Variants in SENP7 observed in about 807,000 individuals in gnomAD.
SENP7 encodes sentrin-specific protease 7.
A neutral mutation model predicts 141.2 loss-of-function variants in SENP7; 64 were observed. That is an observed-to-expected ratio of 0.45 (90% CI 0.37 to 0.56). The LOEUF (loss-of-function observed/expected upper bound fraction) is 0.56, where lower values mean the gene tolerates loss of function less well. Ranked by LOEUF, SENP7 falls within the 20% of genes least tolerant of loss-of-function variation. The pLI is 0.00. For missense variants in SENP7, 1,025 were observed against 1,212.2 expected (o/e 0.85, Z 2.29); for synonymous variants, 382 against 426.4 (o/e 0.90, Z 1.28).
intron 3 of SENP7, among the ~76,000 whole-genome samples, chr3:101,486,057 A>G (rs1373785568): frequency 6.6e-6 from 1 of 152,200 alleles, no homozygotes; most frequent in Non-Finnish European, 1.5e-5. Flanking sequence ...ACCCAATCCA[A>G]CAAAGACAAA....
chr3:101,352,322 C>T (rs912280971), intron 11 of SENP7, among the ~76,000 whole-genome samples: 2 of 152,018 alleles, frequency 1.3e-5, no homozygotes, highest in Non-Finnish European at 2.9e-5. Flanking sequence ...AGTGATGCAC[C>T]TGTCAAAATG....
intron 11 of SENP7, among the ~76,000 whole-genome samples, chr3:101,359,823 G>A (rs758649027): frequency 6.6e-6 from 1 of 152,036 alleles, no homozygotes; most frequent in South Asian, 2.1e-4. Context: ...ATATGTGTTT[G>A]TAATATTGTT....
rs1267990546 is a variant in SENP7, at chr3:101,324,388, GAT to G, written c.*1553_*1554del. 6.6e-6 allele frequency: 1 copy of G among 152,010 alleles called. No homozygotes were observed. Among genetic ancestry groups the G allele is most frequent in the Non-Finnish European group, 1.5e-5 (1 of 67,960 alleles). The allele number at this position is 152,010 out of a possible 1,614,324, so 9.4% of individuals were successfully genotyped here. A position where few individuals can be genotyped will look rare whatever the true frequency, so the allele number is the denominator to read the frequency against. ...TCTTCAAAACATGATAAAGGACAGT[GAT>G]ATCTTTGAAAAACATACAAACAAAA... On this transcript the variant is annotated 3_prime_UTR_variant, in exon 24 of 24. Transcript: ENST00000394095.
In SENP7 at chr3:101,327,789, T is replaced by G; in HGVS notation, c.2892A>C (p.Lys964Asn). 1 of 1,609,878 alleles carries G rather than the reference T, an allele frequency of 6.2e-7. No individual in the cohort carries two copies. The highest frequency in any genetic ancestry group is 8.5e-7 in the Non-Finnish European group (1 of 1,177,368). The change falls in exon 23 of 24, where the codon AAA (lysine) becomes AAC (asparagine). Residue 964 changes from lysine (K) to asparagine (N), a missense_variant. Lys to Asn is a moderately conservative substitution (Grantham distance 94). Coordinates refer to ENST00000394095, the MANE Select transcript of SENP7 (RefSeq NM_020654.5). The stretch of plus-strand genomic sequence containing the variant: ...TGCTGAATTGACGATGAGTTTTTAG[T>G]TTAACTTCCCACTCTACCTCTAAAT... The part of the protein sequence containing the change: ...REYLEVEWEV[K>N]LKTHRQFSKT...
chr3:101,394,477 G>T (rs924798754), intron 6 of SENP7, among the ~76,000 whole-genome samples: 1 of 151,948 alleles, frequency 6.6e-6, no homozygotes, highest in African/African-American at 2.4e-5. Flanking sequence ...AGGACTACTG[G>T]ATTGTACAGT....
intron 1 of SENP7, 37 bp from the exon 2 acceptor site, chr3:101,501,156 A>G: frequency 1.4e-6 from 2 of 1,419,498 alleles, no homozygotes; most frequent in Non-Finnish European, 2.0e-6. Context: ...ATTATCGTTT[A>G]ACATCTAAAT....
intron 1 of SENP7, among the ~76,000 whole-genome samples, chr3:101,507,715 A>G (rs2108203531): frequency 6.6e-6 from 1 of 152,256 alleles, no homozygotes; most frequent in East Asian, 1.9e-4. Context: ...TTAATATTCT[A>G]ACTTTATTAC....
chr3:101,382,381 G>A (rs1408849509), intron 6 of SENP7, among the ~76,000 whole-genome samples: 1 of 152,012 alleles, frequency 6.6e-6, no homozygotes, highest in Non-Finnish European at 1.5e-5. Flanking sequence ...ACAGGGTCTT[G>A]CTATGCTTCC....
intron 4 of SENP7, among the ~76,000 whole-genome samples, chr3:101,447,786 G>GAA (rs139130488): frequency 2.0e-5 from 3 of 148,622 alleles, no homozygotes; most frequent in South Asian, 2.2e-4. Flanking sequence ...AAAAAATCTT[G>GAA]AAAAAAAAAT....
intron 4 of SENP7, among the ~76,000 whole-genome samples, chr3:101,420,297 G>A (rs554852481): frequency 1.6e-4 from 24 of 152,314 alleles, no homozygotes; most frequent in African/African-American, 5.8e-4. Flanking sequence ...GAACCCAGGA[G>A]GCGGAGCTTG....
chr3:101,398,439 G>T (rs543606733), intron 6 of SENP7, among the ~76,000 whole-genome samples: 1 of 152,112 alleles, frequency 6.6e-6, no homozygotes. Flanking sequence ...CAGCCTGGGC[G>T]ACAGAACGAG....
At chr3:101,406,219 G>A (rs2061298928) in intron 5 of SENP7, among the ~76,000 whole-genome samples, 3 of 152,192 alleles carry the variant, frequency 2.0e-5, no homozygotes, top group African/African-American at 7.2e-5. Flanking sequence ...ATTAAAAAAT[G>A]TGGCACATAT....
chr3:101,488,985 G>C (rs986243119), intron 3 of SENP7, among the ~76,000 whole-genome samples: 3 of 152,168 alleles, frequency 2.0e-5, no homozygotes, highest in African/African-American at 7.2e-5. Flanking sequence ...TTGCAAACCA[G>C]AAGAGATTGG....
chr3:101,342,904 G>C (rs949889319), intron 14 of SENP7, among the ~76,000 whole-genome samples: 2 of 152,142 alleles, frequency 1.3e-5, no homozygotes, highest in Admixed American at 6.6e-5. Context: ...GACCTCTCGT[G>C]ATCCACCTGC....
chr3:101,476,969 G>A (rs904202049), intron 3 of SENP7, among the ~76,000 whole-genome samples: 12 of 152,062 alleles, frequency 7.9e-5, no homozygotes, highest in African/African-American at 2.9e-4. Flanking sequence ...TTGTAAATTT[G>A]TTTAAGTTCC....
At chr3:101,491,922 C>T (rs1037316077) in intron 3 of SENP7, among the ~76,000 whole-genome samples, 4 of 152,048 alleles carry the variant, frequency 2.6e-5, no homozygotes, top group Non-Finnish European at 5.9e-5. Context: ...AGAAACCACA[C>T]CTCTACTAAA....
intron 3 of SENP7, among the ~76,000 whole-genome samples, chr3:101,487,454 CTTTAA>C (rs2064778051): frequency 6.6e-6 from 1 of 152,018 alleles, no homozygotes; most frequent in African/African-American, 2.4e-5. Flanking sequence ...TGCAGAAGCT[CTTTAA>C]TTAAATTAAG....
rs2061950873 is a variant in SENP7 at position 101,426,145 on chromosome 3, C to CCTAT, written c.285-8359_285-8356dup. On this transcript the variant is annotated intron_variant, in intron 4 of 23. Transcript: ENST00000394095. ...AGTCAGAGAGGCCAACATTCCCCAA[C>CCTAT]CTATCATTCATGAGTTCTGTCACCC... Among the ~76,000 whole-genome samples the CCTAT allele has an allele frequency of 2.6e-5, 4 of 152,154 alleles. No homozygotes were observed. In the South Asian group the frequency reaches 8.3e-4, roughly 32 times the overall value.
intron 3 of SENP7, among the ~76,000 whole-genome samples, chr3:101,462,883 A>C (rs2063595291): frequency 6.6e-6 from 1 of 152,054 alleles, no homozygotes; most frequent in Non-Finnish European, 1.5e-5. Flanking sequence ...AAAAAGAAGA[A>C]ACCACTAAGA....
Sources: gnomAD v4.1 joint callset for allele counts (sites outside exome capture counted in the v4.1 genomes callset) on GRCh38, gnomAD v4.1.1 for gene constraint, MANE v1.5 for transcripts, NCBI Gene and HGNC (gene_info 2026-07-23, HGNC 2026-07-21) for gene names.